The following GLIS3 variants were observed in gnomAD, a reference collection of about 807,000 sequenced individuals.
The protein encoded by GLIS3 is zinc finger protein GLIS3.
Under a neutral mutation model 78.6 loss-of-function variants are expected in GLIS3, and 53 were observed. The observed-to-expected ratio is 0.67, with a 90% CI of 0.54 to 0.85. The LOEUF (loss-of-function observed/expected upper bound fraction) is 0.85. Ranked by LOEUF, GLIS3 falls within the 40% of genes least tolerant of loss-of-function variation. The pLI is 0.00. For missense variants in GLIS3, 1,703 were observed against 1,231.1 expected, an observed-to-expected ratio of 1.38 and a Z score of -5.74; for synonymous variants, 684 against 509.9, an observed-to-expected ratio of 1.34 and a Z score of -4.60.
At chr9:4,236,750 G>A (rs1213265594) in intron 2 of GLIS3, among the ~76,000 whole-genome samples, 1 of 152,108 alleles carries the variant, frequency 6.6e-6, no homozygotes, top group Non-Finnish European at 1.5e-5. Flanking sequence ...CATAAAACAA[G>A]ATTAATTTTA....
At chr9:4,480,200 C>CT in the GLIS3 span, among the ~76,000 whole-genome samples, 1,545 of 93,860 alleles carry the variant, frequency 0.016, 24 homozygotes, top group Middle Eastern at 0.031. Context: ...GCTGGGCTTT[C>CT]TTTTTTTTTT....
At chr9:4,044,147 G>A (rs1336069240) in intron 4 of GLIS3, among the ~76,000 whole-genome samples, 6 of 152,154 alleles carry the variant, frequency 3.9e-5, no homozygotes, top group Non-Finnish European at 8.8e-5. Flanking sequence ...AAAGGACATG[G>A]GGAGGGAGTC....
chr9:4,021,708 C>CT, intron 4 of GLIS3, among the ~76,000 whole-genome samples: 1 of 152,282 alleles, frequency 6.6e-6, no homozygotes, highest in East Asian at 1.9e-4. Flanking sequence ...GGCTTAGAGA[C>CT]TTTCCTTGAG....
the GLIS3 span, among the ~76,000 whole-genome samples, chr9:4,462,932 T>A: frequency 6.6e-6 from 1 of 152,184 alleles, no homozygotes; most frequent in Non-Finnish European, 1.5e-5. Context: ...GGAAACCCAA[T>A]ATAGGACCTA....
chr9:4,297,521 GC>G (rs1186584692), intron 1 of GLIS3, among the ~76,000 whole-genome samples: 2 of 152,176 alleles, frequency 1.3e-5, no homozygotes, highest in African/African-American at 4.8e-5. Context: ...GGGCCCTGGG[GC>G]CCCAACTCTC....
At chr9:3,953,795 C>G (rs10974257) in intron 4 of GLIS3, among the ~76,000 whole-genome samples, 53 of 73,350 alleles carry the variant, frequency 7.2e-4, no homozygotes, top group African/African-American at 3.0e-3. Flanking sequence ...CTCTCTCTCT[C>G]TATATATATA....
At chr9:4,437,452 C>G in the GLIS3 span, among the ~76,000 whole-genome samples, 1 of 151,486 alleles carries the variant, frequency 6.6e-6, no homozygotes, top group Non-Finnish European at 1.5e-5. Flanking sequence ...ATCTATCTAT[C>G]TATCTATCTA....
intron 8 of GLIS3, among the ~76,000 whole-genome samples, chr9:3,863,425 T>G (rs567627764): frequency 3.5e-4 from 54 of 152,284 alleles, no homozygotes; most frequent in Non-Finnish European, 4.4e-5. Flanking sequence ...TGCAACACTG[T>G]CCACTGGGGC....
chr9:4,022,278 G>C (rs906835035), intron 4 of GLIS3, among the ~76,000 whole-genome samples: 1 of 152,132 alleles, frequency 6.6e-6, no homozygotes, highest in Non-Finnish European at 1.5e-5. Flanking sequence ...TACATCTCAG[G>C]TCCTGCGCTT....
At chr9:4,286,689 C>G (rs368968199) in intron 1 of GLIS3, among the ~76,000 whole-genome samples, 166 bp from the exon 2 acceptor site, 25 of 152,174 alleles carry the variant, frequency 1.6e-4, no homozygotes, top group African/African-American at 5.5e-4. Context: ...TTGGCAGGCA[C>G]TCTCCCCTTC....
chr9:4,052,987 G>A (rs976122050), intron 4 of GLIS3, among the ~76,000 whole-genome samples: 2 of 151,988 alleles, frequency 1.3e-5, no homozygotes, highest in African/African-American at 4.8e-5. Flanking sequence ...TCGCTGTGTT[G>A]CCCAGCCTGG....
At chr9:4,111,499 T>A (rs1831204104) in intron 4 of GLIS3, among the ~76,000 whole-genome samples, 1 of 152,220 alleles carries the variant, frequency 6.6e-6, no homozygotes, top group African/African-American at 2.4e-5. Context: ...AAATTAAACC[T>A]TTACCAAATG....
chr9:3,945,405 C>T (rs914968854), intron 4 of GLIS3, among the ~76,000 whole-genome samples: 1 of 152,172 alleles, frequency 6.6e-6, no homozygotes. Context: ...ATTCCCTCCT[C>T]CATGAATGGA....
chr9:4,381,465 A>G, the GLIS3 span, among the ~76,000 whole-genome samples: 1 of 152,172 alleles, frequency 6.6e-6, no homozygotes, highest in Non-Finnish European at 1.5e-5. Flanking sequence ...GGACAAATGG[A>G]TGGGTAAATC....
At chr9:4,200,006 C>T (rs1819220767) in intron 2 of GLIS3, among the ~76,000 whole-genome samples, 1 of 152,068 alleles carries the variant, frequency 6.6e-6, no homozygotes, top group African/African-American at 2.4e-5. Flanking sequence ...CCAAGAAGAC[C>T]TCTCAAAACC....
upstream of GLIS3, among the ~76,000 whole-genome samples, chr9:4,349,295 C>T (rs562159082): frequency 6.6e-6 from 1 of 152,160 alleles, no homozygotes; most frequent in Admixed American, 6.5e-5. Context: ...TTTTATGCAA[C>T]CATATTTCTC....
intron 4 of GLIS3, among the ~76,000 whole-genome samples, chr9:4,041,806 A>G (rs894508944): frequency 2.0e-5 from 3 of 152,152 alleles, no homozygotes; most frequent in East Asian, 1.9e-4. Context: ...CTATTTCCTT[A>G]AAAGATAAAT....
chr9:3,877,281 C>T (rs944293580), intron 8 of GLIS3, among the ~76,000 whole-genome samples: 1 of 152,170 alleles, frequency 6.6e-6, no homozygotes, highest in African/African-American at 2.4e-5. Flanking sequence ...AGGAATATAT[C>T]AGACAAGTGG....
chr9:4,110,867 C>G (rs924489232), intron 4 of GLIS3, among the ~76,000 whole-genome samples: 25 of 152,168 alleles, frequency 1.6e-4, no homozygotes, highest in African/African-American at 5.3e-4. Flanking sequence ...TCTGAAAGAT[C>G]AAAGAGAATC....
Sources: gnomAD v4.1 joint callset for allele counts (sites outside exome capture counted in the v4.1 genomes callset) on GRCh38, gnomAD v4.1.1 for gene constraint, MANE v1.5 for transcripts, NCBI Gene and HGNC (gene_info 2026-07-23, HGNC 2026-07-21) for gene names.